TYSND1: variants seen among roughly 807,000 people sequenced by gnomAD.
TYSND1 encodes the protein peroxisomal leader peptide-processing protease.
A neutral mutation model predicts 37.2 loss-of-function variants in TYSND1; 30 were observed. The ratio of observed to expected loss-of-function variants is 0.81; its 90% confidence interval spans 0.60 to 1.09. The LOEUF (loss-of-function observed/expected upper bound fraction) is 1.09. TYSND1 is among the 50% of genes least tolerant of loss of function. The pLI is 0.00. For missense variants in TYSND1, 806 were observed against 817.4 expected (o/e 0.99, Z 0.17); for synonymous variants, 364 against 383.8 (o/e 0.95, Z 0.60).
intron 1 of TYSND1, among the ~76,000 whole-genome samples, chr10:70,145,000 G>A (rs1227433316): frequency 6.6e-6 from 1 of 152,128 alleles, no homozygotes; most frequent in Non-Finnish European, 1.5e-5. Context: ...CTTACCCCAG[G>A]AGAGCACCAT....
Position 70,146,223 on chromosome 10 carries a change from G to A in TYSND1, c.364C>T (p.Arg122Cys), listed in dbSNP as rs751606565. ...SLEPGPPAPS[R>C]GRPLQPRLPA... Reference sequence around the variant, plus strand: ...AGCCGGGGCTGCAGGGGACGCCCGCGGGACGGGGCAGGTGGGCCGGGCTCG... The same window carrying A: ...AGCCGGGGCTGCAGGGGACGCCCGCAGGACGGGGCAGGTGGGCCGGGCTCG... Residue 122 changes from arginine (R) to cysteine (C), a missense_variant, in exon 1 of 4, where the codon CGC becomes TGC. This residue lies in a region of TYSND1 where 708 missense variants were observed against 705.4 expected (regional missense o/e 1.00). Coordinates refer to ENST00000287078, the MANE Select transcript of TYSND1 (RefSeq NM_173555.4). 2.0e-6 allele frequency: 3 copies of A among 1,508,860 alleles called. No individual in the cohort carries two copies. Among genetic ancestry groups the A allele is most frequent in the Non-Finnish European group, 2.6e-6 (3 of 1,134,042 alleles). The allele number at this position is 1,508,860 out of a possible 1,614,324, so 93.5% of individuals were successfully genotyped here.
At chr10:70,141,856 C>T (rs997436156) in intron 3 of TYSND1, among the ~76,000 whole-genome samples, 32 of 152,220 alleles carry the variant, frequency 2.1e-4, no homozygotes, top group Admixed American at 1.6e-3. Context: ...ATTACTGGCA[C>T]GAGCTACCAC....
intron 3 of TYSND1, among the ~76,000 whole-genome samples, chr10:70,140,539 GAATGAATGAATGAATC>G (rs777103456): frequency 9.7e-6 from 1 of 103,492 alleles, no homozygotes; most frequent in Admixed American, 8.9e-5. Flanking sequence ...ATGAATGAAT[GAATGAATGAATGAATC>G]AGACCCACAG....
At position 70,146,487 on chromosome 10, in the gene TYSND1, A is replaced by G; in HGVS notation, c.100T>C (p.Cys34Arg). ...AGQPEAGPWS[C>R]SGVILSRSPG... ...CTACGGCTCAGGATTACCCCGCTGCAGCTCCACGGGCCCGCCTCGGGCTGT... is the reference window on the plus strand; with the variant it reads ...CTACGGCTCAGGATTACCCCGCTGCGGCTCCACGGGCCCGCCTCGGGCTGT... Residue 34 changes from cysteine (C) to arginine (R), a missense_variant, in exon 1 of 4, where the codon TGC becomes CGC. This residue lies in a region of TYSND1 where 84 missense variants were observed against 79.0 expected (regional missense o/e 1.06). Transcript: ENST00000287078. 2 of 1,598,670 alleles carry G rather than the reference A, an allele frequency of 1.3e-6. No homozygotes were observed. Among genetic ancestry groups the G allele is most frequent in the Non-Finnish European group, 1.7e-6 (2 of 1,177,412 alleles).
chr10:70,140,604 TGTA>T (rs1482168165), intron 3 of TYSND1, among the ~76,000 whole-genome samples: 5 of 152,216 alleles, frequency 3.3e-5, no homozygotes, highest in African/African-American at 9.6e-5. Flanking sequence ...TGGATGTGTG[TGTA>T]GTTTTTTAAA....
At position 70,146,601 on chromosome 10, in the gene TYSND1, A is replaced by C; in HGVS notation, c.-15T>G. ...TGCCTTCTCATGGCCTCTAGGCCGG[A>C]CACTCGGGAGCTTCTCCGAGAAACA... On this transcript the variant is annotated 5_prime_UTR_variant, in exon 1 of 4. Transcript: ENST00000287078. The C allele has an allele frequency of 6.6e-7, 1 of 1,509,412 alleles. No individual in the cohort carries two copies. The highest frequency in any genetic ancestry group is 8.8e-7 in the Non-Finnish European group (1 of 1,135,876). 93.5% of individuals were successfully genotyped at this position (1,509,412 alleles called of 1,614,324 possible).
chr10:70,140,704 A>G (rs757415937), intron 3 of TYSND1, among the ~76,000 whole-genome samples: 14 of 152,198 alleles, frequency 9.2e-5, no homozygotes, highest in Non-Finnish European at 1.8e-4. Flanking sequence ...TTCGTATCTA[A>G]TGTCACCAAA....
Position 70,145,051 on chromosome 10 carries a change from G to C in TYSND1, c.1166+370C>G, listed in dbSNP as rs201460683. Among the ~76,000 whole-genome samples, 3 of 152,214 alleles carry C rather than the reference G, an allele frequency of 2.0e-5. No homozygotes were observed. The East Asian group carries it at 5.8e-4, about 29-fold the overall frequency. ...CCTTATCACTTTCAGAGGAGAAGCA[G>C]CAGGGTTAGGGAATCTCTGTTCAAA... On this transcript the variant is annotated intron_variant, in intron 1 of 3. Coordinates refer to ENST00000287078, the MANE Select transcript of TYSND1 (RefSeq NM_173555.4).
rs1421091275 is a variant in TYSND1 at position 70,145,495 on chromosome 10, G to A, written c.1092C>T (p.Pro364=). Residue 364 remains proline, a synonymous_variant, in exon 1 of 4, where the codon CCC becomes CCT. Coordinates refer to ENST00000287078, the MANE Select transcript of TYSND1 (RefSeq NM_173555.4). ...TVWGSGVAVA[P]RLVVTCRHVS... ...CGTGCCGACAGGTCACTACAAGGCG[G>A]GGTGCCACAGCCACTCCGGAGCCCC... 1 of 1,529,506 alleles carries A rather than the reference G, an allele frequency of 6.5e-7. No individual in the cohort carries two copies. The highest frequency in any genetic ancestry group is 8.7e-7 in the Non-Finnish European group (1 of 1,143,972). The allele number at this position is 1,529,506 out of a possible 1,614,324, so 94.7% of individuals were successfully genotyped here.
In TYSND1 at chr10:70,145,748, A is replaced by C; in HGVS notation, c.839T>G (p.Val280Gly). 1 of 1,431,892 alleles carries C rather than the reference A, an allele frequency of 7.0e-7. No homozygotes were observed. Among genetic ancestry groups the C allele is most frequent in the Non-Finnish European group, 9.1e-7 (1 of 1,102,974 alleles). 88.7% of individuals were successfully genotyped at this position (1,431,892 alleles called of 1,614,324 possible). ...RPAGALVALV[V>G]APLCWKAGEW... The stretch of plus-strand genomic sequence containing the variant: ...GCCGGCCTTCCAACAGAGCGGCGCC[A>C]CCACCAGCGCCACCAGCGCCCCCGC... Residue 280 changes from valine to glycine, a missense_variant, in exon 1 of 4, where the codon GTG (valine) becomes GGG (glycine). Transcript: ENST00000287078.
rs948117777 is a variant in TYSND1 at position 70,145,887 on chromosome 10, A to G, written c.700T>C (p.Phe234Leu). 3 of 1,547,054 alleles carry G rather than the reference A, an allele frequency of 1.9e-6. No individual in the cohort carries two copies. The highest frequency in any genetic ancestry group is 1.7e-4 in the Middle Eastern group (1 of 5,956). The change falls in exon 1 of 4, where the codon TTT (phenylalanine) becomes CTT (leucine). Residue 234 changes from phenylalanine to leucine, a missense_variant. Physicochemically the swap from Phe to Leu is conservative, Grantham distance 22. Around this residue, in one of 3 missense-constraint regions of TYSND1, gnomAD observed 708 missense variants for 705.4 expected, o/e 1.00. Coordinates refer to ENST00000287078, the MANE Select transcript of TYSND1 (RefSeq NM_173555.4). ...SPFGAFCPDIFLNTLSCGVLS... is the reference protein window; with the variant it reads ...SPFGAFCPDILLNTLSCGVLS... ...ACCCCGCAGCTCAGCGTGTTGAGAA[A>G]GATGTCGGGGCAGAAGGCGCCGAAA...
At chr10:70,140,254 C>A in intron 3 of TYSND1, 113 bp from the exon 4 acceptor site, 1 of 808,910 alleles carries the variant, frequency 1.2e-6, no homozygotes, top group Non-Finnish European at 1.9e-6. Flanking sequence ...GGGCTGGATA[C>A]CACCCCACGT....
chr10:70,144,880 G>A, intron 1 of TYSND1: 1 of 699,248 alleles, frequency 1.4e-6, no homozygotes, highest in Non-Finnish European at 1.8e-6. Flanking sequence ...ACCATGTACA[G>A]CTGCGTGGGC....
In TYSND1 at chr10:70,146,621, G is replaced by A. The variant is rs776498674; in HGVS notation, c.-35C>T. On this transcript the variant is annotated 5_prime_UTR_variant, in exon 1 of 4. Transcript: ENST00000287078. ...GCCGGACACTCGGGAGCTTCTCCGA[G>A]AAACAGCAAGCTAGCGAGCGAGGAC... The A allele has an allele frequency of 3.4e-5, 50 of 1,470,086 alleles. No homozygotes were observed. Among genetic ancestry groups the A allele is most frequent in the Non-Finnish European group, 4.4e-5 (49 of 1,117,348 alleles). The allele number at this position is 1,470,086 out of a possible 1,614,324, so 91.1% of individuals were successfully genotyped here. A position where few individuals can be genotyped will look rare whatever the true frequency, so the allele number is the denominator to read the frequency against.
chr10:70,139,732 T>G lies in TYSND1; in HGVS notation c.*192A>C. The G allele has an allele frequency of 1.7e-6, 1 of 580,408 alleles. No homozygotes were observed. Among genetic ancestry groups the G allele is most frequent in the Non-Finnish European group, 3.0e-6 (1 of 332,216 alleles). 36.0% of individuals were successfully genotyped at this position (580,408 alleles called of 1,614,324 possible). On this transcript the variant is annotated 3_prime_UTR_variant, in exon 4 of 4. Transcript: ENST00000287078. The stretch of plus-strand genomic sequence containing the variant: ...AAGCACCCCAAAACGGGCTGCCAGG[T>G]TAAGGATCCATGGGGCTGAAGAGAA...
At chr10:70,140,505 T>TTGAATGAA (rs10524341) in intron 3 of TYSND1, among the ~76,000 whole-genome samples, 2 of 150,738 alleles carry the variant, frequency 1.3e-5, no homozygotes, top group Non-Finnish European at 2.9e-5. Flanking sequence ...CAAAGGCTTG[T>TTGAATGAA]TGAATGAATG....
At chr10:70,141,682 T>C (rs1057198132) in intron 3 of TYSND1, among the ~76,000 whole-genome samples, 2 of 152,294 alleles carry the variant, frequency 1.3e-5, no homozygotes, top group South Asian at 2.1e-4. Flanking sequence ...AGGTGGTATC[T>C]GCCAGGCCTC....
chr10:70,139,944 C>A lies in TYSND1; in HGVS notation c.1681G>T (p.Ala561Ser), dbSNP rs1054464961. Residue 561 changes from alanine to serine, a missense_variant, in exon 4 of 4, where the codon GCC becomes TCC. Around this residue, in one of 3 missense-constraint regions of TYSND1, gnomAD observed 708 missense variants for 705.4 expected, o/e 1.00. Transcript: ENST00000287078. ...VWRLQRPLAE[A>S]PRSKL ...CAGCCTCAGAGCTTGCTCCGCGGGG[C>A]CTCTGCCAGGGGCCGCTGCAACCGC... 2.1e-5 allele frequency: 34 copies of A among 1,613,334 alleles called. No homozygotes were observed. The East Asian group carries it at 7.6e-4, about 36-fold the overall frequency.
chr10:70,145,293 C>G (rs915489192), intron 1 of TYSND1, 128 bp downstream of exon 1: 2 of 909,404 alleles, frequency 2.2e-6, no homozygotes, highest in African/African-American at 1.7e-5. Flanking sequence ...TTCCAGGTCT[C>G]TACCCACTAC....
Sources: gnomAD v4.1 joint callset for allele counts (sites outside exome capture counted in the v4.1 genomes callset) on GRCh38, gnomAD v4.1.1 for gene constraint, gnomAD v4.1.1 regional missense constraint, MANE v1.5 for transcripts, NCBI Gene and HGNC (gene_info 2026-07-23, HGNC 2026-07-21) for gene names.